Variants in ROBO2 observed in about 807,000 individuals in gnomAD.
The protein encoded by ROBO2 is roundabout homolog 2.
In ROBO2, 53 loss-of-function variants were observed where a neutral mutation model predicts 160.8. The ratio of observed to expected loss-of-function variants is 0.33; its 90% CI spans 0.26 to 0.41. The LOEUF (loss-of-function observed/expected upper bound fraction) is 0.41, where lower values mean the gene tolerates loss of function less well. Among genes scored for constraint, ROBO2 ranks in the 10% least tolerant of loss-of-function variants. The pLI is 1.00. For missense variants in ROBO2, 1,577 were observed against 1,722.4 expected (o/e 0.92, Z 1.49); for synonymous variants, 664 against 611.7 (o/e 1.09, Z -1.26).
intron 2 of ROBO2, among the ~76,000 whole-genome samples, chr3:77,027,385 C>G (rs1189809099): frequency 6.6e-6 from 1 of 152,128 alleles, no homozygotes; most frequent in African/African-American, 2.4e-5. Flanking sequence ...CTGCACAGAC[C>G]TGCCGTTGTG....
At chr3:77,179,801 A>G (rs1342896945) in intron 2 of ROBO2, among the ~76,000 whole-genome samples, 1 of 152,166 alleles carries the variant, frequency 6.6e-6, no homozygotes, top group Non-Finnish European at 1.5e-5. Context: ...TGTGACTACA[A>G]GAAGAGATTT....
At chr3:76,944,630 T>C (rs2078401515) in intron 2 of ROBO2, among the ~76,000 whole-genome samples, 1 of 152,192 alleles carries the variant, frequency 6.6e-6, no homozygotes, top group Non-Finnish European at 1.5e-5. Context: ...AGGATATTCT[T>C]AGGGCAACAT....
At chr3:76,741,392 C>T (rs2093799577) in intron 2 of ROBO2, among the ~76,000 whole-genome samples, 1 of 151,924 alleles carries the variant, frequency 6.6e-6, no homozygotes, top group Non-Finnish European at 1.5e-5. Context: ...TATTTATGTG[C>T]CTAATCATTA....
At chr3:76,401,060 T>A (rs545449315) in intron 2 of ROBO2, among the ~76,000 whole-genome samples, 32 of 151,676 alleles carry the variant, frequency 2.1e-4, no homozygotes, top group Non-Finnish European at 5.9e-5. Flanking sequence ...AGATTTTGCA[T>A]TGGTCAAAAT....
At chr3:76,403,291 C>G (rs2077947374) in intron 2 of ROBO2, among the ~76,000 whole-genome samples, 1 of 151,556 alleles carries the variant, frequency 6.6e-6, no homozygotes, top group Non-Finnish European at 1.5e-5. Context: ...AACAATGAGT[C>G]TCTTTTTAAT....
At chr3:76,870,957 AT>A (rs1336806893) in intron 2 of ROBO2, among the ~76,000 whole-genome samples, 4 of 152,332 alleles carry the variant, frequency 2.6e-5, no homozygotes, top group African/African-American at 7.2e-5. Context: ...ATACATAGAC[AT>A]TTTTATATAA....
chr3:76,312,517 A>G (rs2071663789), intron 2 of ROBO2, among the ~76,000 whole-genome samples: 1 of 152,164 alleles, frequency 6.6e-6, no homozygotes, highest in Admixed American at 6.5e-5. Flanking sequence ...CTTAGCTTAG[A>G]TGGTTGGTGC....
intron 2 of ROBO2, among the ~76,000 whole-genome samples, chr3:76,370,472 G>A (rs1366695338): frequency 6.6e-6 from 1 of 151,842 alleles, no homozygotes; most frequent in East Asian, 1.9e-4. Flanking sequence ...GTGTATGGTA[G>A]TTTATCTTTA....
At chr3:77,143,005 C>G (rs1240351433) in intron 2 of ROBO2, among the ~76,000 whole-genome samples, 2 of 152,056 alleles carry the variant, frequency 1.3e-5, no homozygotes, top group African/African-American at 4.8e-5. Context: ...AATGAAGTAA[C>G]TCACCTAAGA....
chr3:76,030,776 A>G (rs769474555), intron 2 of ROBO2, among the ~76,000 whole-genome samples: 3 of 152,128 alleles, frequency 2.0e-5, no homozygotes, highest in Non-Finnish European at 4.4e-5. Context: ...GTAGCCTTAT[A>G]GTATAGTTTG....
chr3:76,117,833 T>C (rs1234749404), intron 2 of ROBO2, among the ~76,000 whole-genome samples: 1 of 152,220 alleles, frequency 6.6e-6, no homozygotes, highest in East Asian at 1.9e-4. Context: ...TTCATAAATG[T>C]ATTTGATAAA....
intron 1 of ROBO2, among the ~76,000 whole-genome samples, chr3:77,054,500 C>G (rs1448072288): frequency 6.6e-6 from 1 of 152,258 alleles, no homozygotes; most frequent in Admixed American, 6.5e-5. Flanking sequence ...TAGACAATGA[C>G]TCTTCAGATG....
chr3:76,899,982 G>A (rs910163886), intron 2 of ROBO2, among the ~76,000 whole-genome samples: 4 of 152,060 alleles, frequency 2.6e-5, no homozygotes, highest in African/African-American at 9.7e-5. Flanking sequence ...ACCTGAGACT[G>A]GACAATTTAC....
intron 4 of ROBO2, among the ~76,000 whole-genome samples, chr3:77,484,308 T>C (rs942621729): frequency 1.3e-5 from 2 of 152,022 alleles, no homozygotes; most frequent in East Asian, 1.9e-4. Flanking sequence ...AAGTAAATAA[T>C]ACAATTTCTA....
intron 2 of ROBO2, among the ~76,000 whole-genome samples, chr3:76,640,664 C>T (rs1283604016): frequency 2.6e-5 from 4 of 151,088 alleles, no homozygotes; most frequent in Non-Finnish European, 5.9e-5. Flanking sequence ...AACACAAAAG[C>T]AACTCAACCC....
chr3:76,843,900 A>G (rs3884320), intron 2 of ROBO2, among the ~76,000 whole-genome samples: 19,462 of 152,036 alleles, frequency 0.13, 1,406 homozygotes, highest in East Asian at 0.24. Context: ...TTCTTGTAGC[A>G]AGAGGAGCTA....
At chr3:76,339,082 A>G (rs2074060904) in intron 2 of ROBO2, among the ~76,000 whole-genome samples, 1 of 152,202 alleles carries the variant, frequency 6.6e-6, no homozygotes, top group Admixed American at 6.5e-5. Context: ...ATATTTTTAA[A>G]TGTAAAACAC....
At chr3:76,155,809 G>A (rs966935158) in intron 2 of ROBO2, among the ~76,000 whole-genome samples, 2 of 152,088 alleles carry the variant, frequency 1.3e-5, no homozygotes, top group Non-Finnish European at 2.9e-5. Context: ...CCTCTGAAAC[G>A]TTAACAAAGA....
At chr3:76,458,865 C>G (rs1189355522) in intron 2 of ROBO2, among the ~76,000 whole-genome samples, 1 of 152,102 alleles carries the variant, frequency 6.6e-6, no homozygotes, top group African/African-American at 2.4e-5. Flanking sequence ...GAAAGACCAG[C>G]CCCCATGATT....
Sources: gnomAD v4.1 joint callset for allele counts (sites outside exome capture counted in the v4.1 genomes callset) on GRCh38, gnomAD v4.1.1 for gene constraint, MANE v1.5 for transcripts, NCBI Gene and HGNC (gene_info 2026-07-23, HGNC 2026-07-21) for gene names.